The following SCRG1 variants were observed in gnomAD, a reference collection of about 807,000 sequenced individuals.
SCRG1 encodes the protein stimulator of chondrogenesis 1.
A neutral mutation model predicts 7.7 loss-of-function variants in SCRG1; 3 were observed. That is an observed-to-expected ratio of 0.39 (90% CI 0.18 to 1.01). SCRG1 has a LOEUF of 1.01. Among genes scored for constraint, SCRG1 ranks in the 50% least tolerant of loss-of-function variants. The pLI, the probability that SCRG1 is intolerant of heterozygous loss-of-function variation, is 0.36. For missense variants in SCRG1, 110 were observed against 117.2 expected (o/e 0.94, Z 0.28); for synonymous variants, 46 against 41.2 (o/e 1.12, Z -0.44).
chr4:173,415,661 G>A, the SCRG1 span, among the ~76,000 whole-genome samples: 2 of 152,200 alleles, frequency 1.3e-5, no homozygotes. Flanking sequence ...TGGTATTACA[G>A]GTATTTCACC....
chr4:173,441,578 T>C, the SCRG1 span, among the ~76,000 whole-genome samples: 1 of 152,238 alleles, frequency 6.6e-6, no homozygotes, highest in African/African-American at 2.4e-5. Flanking sequence ...TGTATTAGGA[T>C]CAGAACTAAC....
Position 173,384,812 on chromosome 4 carries a change from A to G in SCRG1, c.*3529T>C, listed in dbSNP as rs1344828159. On this transcript the variant is annotated 3_prime_UTR_variant, in exon 3 of 3. Transcript: ENST00000296506. The stretch of plus-strand genomic sequence containing the variant: ...ATTCACAGTAAGAACAATGATATAG[A>G]AAGTCAAAGATAACAATACAGAAAT... 6.6e-6 allele frequency: 1 copy of G among 152,254 alleles called. No individual in the cohort carries two copies. The highest frequency in any genetic ancestry group is 1.5e-5 in the Non-Finnish European group (1 of 68,038). The allele number at this position is 152,254 out of a possible 1,614,324, so 9.4% of individuals were successfully genotyped here.
At chr4:173,476,363 A>AAAAATATATATATATATATATATATATAT in the SCRG1 span, among the ~76,000 whole-genome samples, 7 of 98,502 alleles carry the variant, frequency 7.1e-5, no homozygotes, top group East Asian at 3.6e-4. Context: ...GGAAAAAAAA[A>AAAAATATATATATATATATATATATATAT]ATATATATAT....
At chr4:173,513,395 C>T in the SCRG1 span, among the ~76,000 whole-genome samples, 1 of 152,238 alleles carries the variant, frequency 6.6e-6, no homozygotes, top group South Asian at 2.1e-4. Flanking sequence ...ATTACTCCCC[C>T]CTTTTTTATT....
the SCRG1 span, among the ~76,000 whole-genome samples, chr4:173,443,988 T>TGTGTGTGTGTGTG: frequency 2.3e-5 from 3 of 131,464 alleles, no homozygotes; most frequent in Admixed American, 1.5e-4. Flanking sequence ...TGTGTGTGTG[T>TGTGTGTGTGTGTG]TTGAGATGGA....
At chr4:173,450,870 AG>A in the SCRG1 span, among the ~76,000 whole-genome samples, 83,718 of 151,846 alleles carry the variant, frequency 0.55, 24,562 homozygotes, top group Non-Finnish European at 0.67. Flanking sequence ...GCCTCCCCAG[AG>A]GGGAAAGGCC....
At chr4:173,418,390 G>GAGCC in the SCRG1 span, among the ~76,000 whole-genome samples, 1 of 152,198 alleles carries the variant, frequency 6.6e-6, no homozygotes, top group Non-Finnish European at 1.5e-5. Flanking sequence ...CTCCTGGAAG[G>GAGCC]AGATGATAAT....
chr4:173,391,012 T>C (rs1461487379), intron 2 of SCRG1, among the ~76,000 whole-genome samples, 161 bp downstream of exon 2: 1 of 152,250 alleles, frequency 6.6e-6, no homozygotes, highest in Non-Finnish European at 1.5e-5. Flanking sequence ...TGAAAACATT[T>C]AGTTCTTTAC....
the SCRG1 span, among the ~76,000 whole-genome samples, chr4:173,511,106 A>G: frequency 6.6e-6 from 1 of 152,058 alleles, no homozygotes; most frequent in Non-Finnish European, 1.5e-5. The surrounding 1 kb of genome is among the most constrained non-coding windows in gnomAD (Gnocchi z 5.2). Context: ...AGCTGGGACT[A>G]TAGGCGCCCG....
the SCRG1 span, among the ~76,000 whole-genome samples, chr4:173,439,772 C>T: frequency 7.9e-5 from 12 of 152,142 alleles, no homozygotes; most frequent in Admixed American, 1.3e-4. Context: ...GGCAAAAGCA[C>T]GGGCATGTGG....
chr4:173,490,477 C>T, the SCRG1 span, among the ~76,000 whole-genome samples: 1 of 152,056 alleles, frequency 6.6e-6, no homozygotes, highest in Non-Finnish European at 1.5e-5. Context: ...AGCCACAGGC[C>T]ACCAATTAAC....
In SCRG1 at chr4:173,388,342, C is replaced by T; in HGVS notation, c.296G>A (p.Ter99=). 1.2e-6 allele frequency: 2 copies of T among 1,610,042 alleles called. No individual in the cohort carries two copies. Among genetic ancestry groups the T allele is most frequent in the Middle Eastern group, 1.7e-4 (1 of 6,048 alleles). The part of the protein sequence containing the change: ...ISFVIPCNNQ[*] ...GTTCTCCAGAATACATGAAGATTCTCATTGATTGTTGCAAGGAATCACGAA... is the reference window on the plus strand; with the variant it reads ...GTTCTCCAGAATACATGAAGATTCTTATTGATTGTTGCAAGGAATCACGAA... The change falls in exon 3 of 3, where the codon TGA becomes TAA. Residue 99 remains the stop codon, a stop_retained_variant. Coordinates refer to ENST00000296506, the MANE Select transcript of SCRG1 (RefSeq NM_007281.4).
the SCRG1 span, among the ~76,000 whole-genome samples, chr4:173,452,434 T>G: frequency 6.6e-6 from 1 of 152,236 alleles, no homozygotes; most frequent in East Asian, 1.9e-4. Context: ...CACATACAAG[T>G]GGACCCATGC....
chr4:173,433,157 CTT>C, the SCRG1 span, among the ~76,000 whole-genome samples: 2 of 151,976 alleles, frequency 1.3e-5, no homozygotes, highest in African/African-American at 2.4e-5. Context: ...ACTTTAGTAA[CTT>C]TTTTTTACAG....
upstream of SCRG1, among the ~76,000 whole-genome samples, chr4:173,408,037 A>C (rs1388613155): frequency 1.3e-5 from 2 of 152,260 alleles, no homozygotes; most frequent in Admixed American, 1.3e-4. Flanking sequence ...TAGATAACTA[A>C]AACTTGCTCC....
the SCRG1 span, among the ~76,000 whole-genome samples, chr4:173,423,486 T>C: frequency 6.6e-6 from 1 of 152,190 alleles, no homozygotes; most frequent in African/African-American, 2.4e-5. Context: ...ACTTGCATGG[T>C]TGATAAAGAC....
At chr4:173,508,620 C>T in the SCRG1 span, among the ~76,000 whole-genome samples, 13 of 152,314 alleles carry the variant, frequency 8.5e-5, no homozygotes, top group African/African-American at 3.1e-4. The surrounding 1 kb of genome is among the most constrained non-coding windows in gnomAD (Gnocchi z 4.4). Flanking sequence ...CAGGTGAGGG[C>T]AGGGGCCCCC....
the SCRG1 span, among the ~76,000 whole-genome samples, chr4:173,500,284 C>T: frequency 1.1e-4 from 16 of 152,344 alleles, no homozygotes; most frequent in East Asian, 2.3e-3. Flanking sequence ...ACAGGGCCTG[C>T]CCCGCGCCAG....
the SCRG1 span, among the ~76,000 whole-genome samples, chr4:173,428,583 G>A: frequency 6.6e-6 from 1 of 152,204 alleles, no homozygotes; most frequent in Non-Finnish European, 1.5e-5. Flanking sequence ...AAAAAGAGGG[G>A]AGCCTTCAAT....
Sources: gnomAD v4.1 joint callset for allele counts (sites outside exome capture counted in the v4.1 genomes callset) on GRCh38, gnomAD v4.1.1 for gene constraint, Gnocchi (gnomAD v3.1) non-coding constraint, MANE v1.5 for transcripts, NCBI Gene and HGNC (gene_info 2026-07-23, HGNC 2026-07-21) for gene names.